The following RASL10A variants were observed in gnomAD, a reference collection of about 807,000 sequenced individuals.
RASL10A encodes the protein RAS like family 10 member A.
In RASL10A, 13 loss-of-function variants were observed where a neutral mutation model predicts 17.3. The observed-to-expected ratio is 0.75, with a 90% CI of 0.49 to 1.20. RASL10A has a LOEUF of 1.20. RASL10A is among the 50% of genes most tolerant of loss of function. RASL10A has a pLI of 0.00. For missense variants in RASL10A, 307 were observed against 310.3 expected (o/e 0.99, Z 0.08); for synonymous variants, 159 against 142.2 (o/e 1.12, Z -0.84).
At chr22:29,314,036 GCT>G in intron 1 of RASL10A, 49 bp from the exon 2 acceptor site, 2 of 1,603,860 alleles carry the variant, frequency 1.2e-6, no homozygotes, top group Non-Finnish European at 1.7e-6. Context: ...CCACTCTTCC[GCT>G]CTCGAACCCT....
upstream of RASL10A, among the ~76,000 whole-genome samples, chr22:29,318,205 C>T (rs1474525217): frequency 6.6e-6 from 1 of 152,210 alleles, no homozygotes; most frequent in Non-Finnish European, 1.5e-5. Context: ...TGCAAACGTG[C>T]CATGTTCCCT....
intron 2 of RASL10A, 72 bp from the exon 3 acceptor site, chr22:29,313,640 G>A (rs1019260192): frequency 1.4e-6 from 2 of 1,450,482 alleles, no homozygotes; most frequent in Non-Finnish European, 1.8e-6. Flanking sequence ...GTATACACAC[G>A]CAGGCGCATT....
Position 29,315,126 on chromosome 22 carries a change from G to A in RASL10A, c.121C>T (p.Leu41Phe). 6.5e-7 allele frequency: 1 copy of A among 1,531,294 alleles called. No homozygotes were observed. The highest frequency in any genetic ancestry group is 8.7e-7 in the Non-Finnish European group (1 of 1,144,036). 94.9% of individuals were successfully genotyped at this position (1,531,294 alleles called of 1,614,324 possible). ...TCGAGCAGCACCGCGGGTCGGTAGAGGCGCGGCCCGTCCGTGGGCCGGTGG... is the reference window on the plus strand; with the variant it reads ...TCGAGCAGCACCGCGGGTCGGTAGAAGCGCGGCCCGTCCGTGGGCCGGTGG... ...ERHRPTDGPRLYRPAVLLDGA... is the reference protein window; with the variant it reads ...ERHRPTDGPRFYRPAVLLDGA... The change falls in exon 1 of 3, where the codon CTC becomes TTC. Residue 41 changes from leucine to phenylalanine, a missense_variant. Transcript: ENST00000216101. The surrounding 1 kb of genome is among the most constrained non-coding windows in gnomAD (Gnocchi z 5.5).
upstream of RASL10A, among the ~76,000 whole-genome samples, chr22:29,318,864 TA>T (rs1315292295): frequency 6.6e-6 from 1 of 152,184 alleles, no homozygotes; most frequent in African/African-American, 2.4e-5. Flanking sequence ...TGGTCCTGCC[TA>T]CCCTCTGTGG....
At chr22:29,318,443 G>C (rs2061462912), upstream of RASL10A, among the ~76,000 whole-genome samples, 1 of 152,214 alleles carries the variant, frequency 6.6e-6, no homozygotes, top group African/African-American at 2.4e-5. Context: ...GGGTTCTCAG[G>C]AAGTACTCAA....
rs2061429150 is a variant in RASL10A, at chr22:29,313,214, C to G, written c.*87G>C. 1 of 1,405,930 alleles carries G rather than the reference C, an allele frequency of 7.1e-7. No individual in the cohort carries two copies. Among genetic ancestry groups the G allele is most frequent in the Middle Eastern group, 2.1e-4 (1 of 4,662 alleles). 87.1% of individuals were successfully genotyped at this position (1,405,930 alleles called of 1,614,324 possible). A position where few individuals can be genotyped will look rare whatever the true frequency, so the allele number is the denominator to read the frequency against. On this transcript the variant is annotated 3_prime_UTR_variant, in exon 3 of 3. Coordinates refer to ENST00000216101, the MANE Select transcript of RASL10A (RefSeq NM_006477.5). ...GGGCGGAGACTTCCCTGTCCAGTCC[C>G]AGTGAAGTTGGGCGATCCCGTCCAA...
chr22:29,313,489 G>T lies in RASL10A; in HGVS notation c.424C>A (p.Arg142Ser), dbSNP rs1001565668. The change falls in exon 3 of 3, where the codon CGC (arginine) becomes AGC (serine). Residue 142 changes from arginine (R) to serine (S), a missense_variant. By Grantham distance (110) the Arg-to-Ser change is moderately radical (BLOSUM62 -1). Transcript: ENST00000216101. Reference sequence around the variant, plus strand: ...CTGCGCACTAGGGCGGCCAGCGCGCGCCGCGGTCCGAAGCGCAGCCGCTGC... The same window carrying T: ...CTGCGCACTAGGGCGGCCAGCGCGCTCCGCGGTCCGAAGCGCAGCCGCTGC... ...DRQRLRFGPR[R>S]ALAALVRRGW... 6.4e-7 allele frequency: 1 copy of T among 1,558,386 alleles called. No individual in the cohort carries two copies. Among genetic ancestry groups the T allele is most frequent in the Non-Finnish European group, 8.6e-7 (1 of 1,159,496 alleles).
chr22:29,313,924 T>C lies in RASL10A; in HGVS notation c.283A>G (p.Ile95Val). Residue 95 changes from isoleucine to valine, a missense_variant, in exon 2 of 3, where the codon ATC becomes GTC. Physicochemically the swap from Ile to Val is conservative, Grantham distance 29 (BLOSUM62 3). Coordinates refer to ENST00000216101, the MANE Select transcript of RASL10A (RefSeq NM_006477.5). ...TAGTCGAAACTGTCCGGGCTGCAGA[T>C]GTCGTAGACGAGCACGAAGGCGTCC... ...DTDAFVLVYD[I>V]CSPDSFDYVK... 1.2e-6 allele frequency: 2 copies of C among 1,613,962 alleles called. No homozygotes were observed. The highest frequency in any genetic ancestry group is 1.7e-6 in the Non-Finnish European group (2 of 1,180,022).
At chr22:29,317,778 G>C (rs1306007011), upstream of RASL10A, among the ~76,000 whole-genome samples, 2 of 152,156 alleles carry the variant, frequency 1.3e-5, no homozygotes, top group African/African-American at 4.8e-5. Flanking sequence ...TCCACCTCCT[G>C]GGTTCAAGCA....
At chr22:29,314,967 G>T (rs1602662838) in intron 1 of RASL10A, 61 bp downstream of exon 1, 1 of 1,329,378 alleles carries the variant, frequency 7.5e-7, no homozygotes, top group Non-Finnish European at 9.9e-7. Context: ...ACGCACGTGT[G>T]CACCGAGCAC....
At chr22:29,314,851 G>C (rs866144279) in intron 1 of RASL10A, among the ~76,000 whole-genome samples, 177 bp downstream of exon 1, 2 of 152,200 alleles carry the variant, frequency 1.3e-5, no homozygotes, top group African/African-American at 2.4e-5. Context: ...GCCTGGGCTT[G>C]GGCGTCTCCA....
chr22:29,317,838 C>T (rs754223209), upstream of RASL10A, among the ~76,000 whole-genome samples: 16 of 152,296 alleles, frequency 1.1e-4, no homozygotes, highest in Non-Finnish European at 2.2e-4. Flanking sequence ...GCACATGCCA[C>T]CATGCCCGGC....
upstream of RASL10A, among the ~76,000 whole-genome samples, chr22:29,318,024 A>G (rs1160212114): frequency 6.6e-6 from 1 of 151,780 alleles, no homozygotes; most frequent in Non-Finnish European, 1.5e-5. Context: ...TGCTAGGCGC[A>G]CTCCCGCCCA....
chr22:29,317,557 C>T (rs1220231365), upstream of RASL10A, among the ~76,000 whole-genome samples: 2 of 152,164 alleles, frequency 1.3e-5, no homozygotes, highest in Non-Finnish European at 2.9e-5. Context: ...GGGTTTTTGA[C>T]TTTTCAGGCT....
At chr22:29,318,061 C>T (rs1346251579), upstream of RASL10A, among the ~76,000 whole-genome samples, 1 of 152,188 alleles carries the variant, frequency 6.6e-6, no homozygotes, top group East Asian at 1.9e-4. Context: ...CTCTGAAAAA[C>T]TTTCCTTGCT....
Position 29,313,335 on chromosome 22 carries a change from C to T in RASL10A, c.578G>A (p.Gly193Glu). The T allele has an allele frequency of 6.5e-7, 1 of 1,534,606 alleles. No individual in the cohort carries two copies. Among genetic ancestry groups the T allele is most frequent in the South Asian group, 1.2e-5 (1 of 82,770 alleles). The change falls in exon 3 of 3, where the codon GGG (glycine) becomes GAG (glutamate). Residue 193 changes from glycine to glutamate, a missense_variant. By Grantham distance (98) the Gly-to-Glu change is moderately conservative (BLOSUM62 -2). Transcript: ENST00000216101. ...GCTGCAGCGCGCGGGATGCAGCGCC[C>T]CCTGCAGGCGCAGGGCCGGGTGTGC... ...RPAHPALRLQ[G>E]ALHPARCSLM
In RASL10A at chr22:29,313,019, C is replaced by T; in HGVS notation, c.*282G>A. On this transcript the variant is annotated 3_prime_UTR_variant, in exon 3 of 3. Transcript: ENST00000216101. ...AGCTCCAGGAGCAGGCTGCGTGTTT[C>T]CAGTCAAGTTCATAGCCAAGTCCTT... 2.4e-6 allele frequency: 1 copy of T among 409,284 alleles called. No homozygotes were observed. The highest frequency in any genetic ancestry group is 4.3e-6 in the Non-Finnish European group (1 of 233,478). 25.4% of individuals were successfully genotyped at this position (409,284 alleles called of 1,614,324 possible).
At chr22:29,314,039 C>T in intron 1 of RASL10A, 52 bp from the exon 2 acceptor site, 3 of 1,602,306 alleles carry the variant, frequency 1.9e-6, no homozygotes, top group Non-Finnish European at 2.5e-6. Flanking sequence ...CTCTTCCGCT[C>T]TCGAACCCTC....
upstream of RASL10A, among the ~76,000 whole-genome samples, chr22:29,317,439 T>G (rs1460078897): frequency 6.6e-6 from 1 of 152,186 alleles, no homozygotes; most frequent in Non-Finnish European, 1.5e-5. Flanking sequence ...GGAATCTCAC[T>G]ATGTTGCCCA....
Sources: gnomAD v4.1 joint callset for allele counts (sites outside exome capture counted in the v4.1 genomes callset) on GRCh38, gnomAD v4.1.1 for gene constraint, Gnocchi (gnomAD v3.1) non-coding constraint, MANE v1.5 for transcripts, NCBI Gene and HGNC (gene_info 2026-07-23, HGNC 2026-07-21) for gene names.